Variants in TBL1X observed in about 807,000 individuals in gnomAD.
TBL1X encodes the protein transducin beta like 1 X-linked.
A neutral mutation model predicts 50.7 loss-of-function variants in TBL1X; 10 were observed. That is an observed-to-expected ratio of 0.20 (90% confidence interval 0.12 to 0.33). TBL1X has a LOEUF of 0.33. Among genes scored for constraint, TBL1X ranks in the 10% least tolerant of loss-of-function variants. The probability of loss-of-function intolerance (pLI) is 1.00; values close to 1 mark genes in which losing one functional copy is unlikely to be tolerated. For missense variants in TBL1X, 340 were observed against 504.4 expected (o/e 0.67, Z 3.12); for synonymous variants, 190 against 214.7 (o/e 0.88, Z 1.01).
intron 2 of TBL1X, among the ~76,000 whole-genome samples, chrX:9,572,638 A>G (rs1257342298): frequency 8.9e-6 from 1 of 112,843 alleles, no homozygotes; most frequent in Admixed American, 9.4e-5. Context: ...ACTGCTGTTT[A>G]CTTACCAAGG....
intron 2 of TBL1X, among the ~76,000 whole-genome samples, chrX:9,576,790 G>C (rs1249768859): frequency 1.8e-5 from 2 of 108,427 alleles, no homozygotes; most frequent in Non-Finnish European, 3.8e-5. Flanking sequence ...CTTGAGCCCA[G>C]GAGTTTGAGA....
intron 2 of TBL1X, among the ~76,000 whole-genome samples, chrX:9,601,767 T>A (rs1283668153): frequency 8.9e-6 from 1 of 111,846 alleles, no homozygotes; most frequent in Non-Finnish European, 1.9e-5. Context: ...TTGACACTAT[T>A]TGGCCGGGCG....
intron 2 of TBL1X, among the ~76,000 whole-genome samples, chrX:9,521,894 T>C (rs2082108588): frequency 8.9e-6 from 1 of 112,276 alleles, no homozygotes; most frequent in African/African-American, 3.2e-5. Context: ...AGTGGAACTT[T>C]CTGTGTAGTC....
intron 2 of TBL1X, among the ~76,000 whole-genome samples, chrX:9,618,485 G>A (rs1287948486): frequency 9.0e-6 from 1 of 111,522 alleles, no homozygotes; most frequent in African/African-American, 3.3e-5. Flanking sequence ...AGACCAGCCT[G>A]GCCAACATGG....
chrX:9,538,761 T>G (rs1305454540), intron 2 of TBL1X, among the ~76,000 whole-genome samples: 3 of 112,724 alleles, frequency 2.7e-5, no homozygotes, highest in Non-Finnish European at 5.6e-5. Flanking sequence ...CCAGAAGGTG[T>G]TTCCGTTCTC....
intron 1 of TBL1X, among the ~76,000 whole-genome samples, chrX:9,467,114 A>G (rs907603114): frequency 1.8e-5 from 2 of 112,588 alleles, no homozygotes; most frequent in African/African-American, 6.5e-5. Flanking sequence ...GAATGTTTCA[A>G]TTTCTGGAGT....
intron 1 of TBL1X, among the ~76,000 whole-genome samples, chrX:9,491,338 A>ATATATATATATATATATATTT (rs1328551249): frequency 3.2e-5 from 1 of 31,316 alleles, no homozygotes; most frequent in Non-Finnish European, 5.6e-5. Flanking sequence ...ATATATATAT[A>ATATATATATATATATATATTT]TTTTTTTTTT....
intron 2 of TBL1X, among the ~76,000 whole-genome samples, chrX:9,565,159 C>G (rs894680624): frequency 2.0e-5 from 2 of 102,194 alleles, no homozygotes; most frequent in East Asian, 6.4e-4. Context: ...GTAGTCCCAG[C>G]TACTCGGGAG....
chrX:9,500,950 C>T (rs893839575), intron 1 of TBL1X, among the ~76,000 whole-genome samples: 9 of 111,932 alleles, frequency 8.0e-5, no homozygotes. Context: ...TGCTGAACAT[C>T]CCACAGTGCA....
chrX:9,668,211 T>C (rs1452410817), intron 5 of TBL1X, among the ~76,000 whole-genome samples: 1 of 111,464 alleles, frequency 9.0e-6, no homozygotes, highest in Admixed American at 9.6e-5. Flanking sequence ...TCCTTGTTGA[T>C]TGCATCTTTA....
chrX:9,535,969 TG>T (rs1216558339), intron 2 of TBL1X, among the ~76,000 whole-genome samples: 1 of 111,948 alleles, frequency 8.9e-6, no homozygotes, highest in Non-Finnish European at 1.9e-5. Context: ...GCCATCAGAA[TG>T]GTTTGAAATC....
chrX:9,659,811 A>G (rs2082886927), intron 5 of TBL1X, among the ~76,000 whole-genome samples: 1 of 112,025 alleles, frequency 8.9e-6, no homozygotes, highest in Non-Finnish European at 1.9e-5. Flanking sequence ...ATGTAAAGGG[A>G]CGTTAGCTCT....
chrX:9,637,011 G>T (rs1294311419), intron 2 of TBL1X: 2 of 112,044 alleles, frequency 1.8e-5, no homozygotes, highest in East Asian at 5.5e-4. Context: ...TGAACTGTAG[G>T]TGGCTGGCTC....
chrX:9,520,686 C>T (rs943567708), intron 2 of TBL1X, among the ~76,000 whole-genome samples: 6 of 111,475 alleles, frequency 5.4e-5, no homozygotes, highest in Non-Finnish European at 1.1e-4. Flanking sequence ...GAACACCTCT[C>T]CTTGGAGTGG....
chrX:9,676,100 T>A (rs1379385496), intron 5 of TBL1X, among the ~76,000 whole-genome samples: 1 of 112,107 alleles, frequency 8.9e-6, no homozygotes, highest in Non-Finnish European at 1.9e-5. Flanking sequence ...CCGTCGTAAA[T>A]CTCTGGTTTA....
At position 9,601,731 on chromosome X, in the gene TBL1X, C is replaced by T. The variant is rs982007945; in HGVS notation, c.-130-38542C>T. ...GCAGCGTAGCCTGGAGCTGTATGTT[C>T]ATTTTAGATAGAAATATTGACACTA... is the stretch of plus-strand genomic sequence containing the variant. On this transcript the variant is annotated intron_variant, in intron 2 of 17. Transcript: ENST00000645353. 5.4e-5 allele frequency among the ~76,000 whole-genome samples: 6 copies of T among 111,940 alleles called. No homozygotes were observed. The Admixed American group carries it at 5.7e-4, about 11-fold the overall frequency.
intron 2 of TBL1X, among the ~76,000 whole-genome samples, chrX:9,532,748 G>T (rs2082168805): frequency 9.0e-6 from 1 of 111,383 alleles, no homozygotes; most frequent in Non-Finnish European, 1.9e-5. Context: ...ATCCCTCTGT[G>T]TGTGTCTGTG....
At chrX:9,532,616 T>C (rs927568510) in intron 2 of TBL1X, among the ~76,000 whole-genome samples, 5 of 111,034 alleles carry the variant, frequency 4.5e-5, no homozygotes. Flanking sequence ...CAGCAGCCCG[T>C]AATTCTCCCA....
In TBL1X at chrX:9,522,532, C is replaced by T. The variant is rs185370047; in HGVS notation, c.-131+20683C>T. Among the ~76,000 whole-genome samples the T allele has an allele frequency of 2.6e-3, 285 of 111,513 alleles. 5 individuals are homozygous for T. The highest frequency in any genetic ancestry group is 0.024 in the Admixed American group (250 of 10,489). ...GCTCTCTGAAGGCCGAGGCTGAGCA[C>T]TGGTGGAGAACAGGGCCCGTGCTCA... On this transcript the variant is annotated intron_variant, in intron 2 of 17. Coordinates refer to ENST00000645353, the MANE Select transcript of TBL1X (RefSeq NM_005647.4).
Sources: allele counts gnomAD v4.1 joint callset (sites outside exome capture counted in the v4.1 genomes callset), GRCh38; gene constraint gnomAD v4.1.1; transcripts MANE v1.5; gene names NCBI Gene and HGNC (gene_info 2026-07-23, HGNC 2026-07-21).